Variants in FOXN3 observed in about 807,000 individuals in gnomAD.
FOXN3 encodes forkhead box protein N3.
Under a neutral mutation model 38.4 loss-of-function variants are expected in FOXN3, and 7 were observed. That is an observed-to-expected ratio of 0.18 (90% CI 0.10 to 0.34). The LOEUF (loss-of-function observed/expected upper bound fraction) is 0.34. Among genes scored for constraint, FOXN3 ranks in the 10% least tolerant of loss-of-function variants. The pLI is 1.00. For synonymous variants in FOXN3, 230 were observed against 242.2 expected, an observed-to-expected ratio of 0.95 and a Z score of 0.47; for missense variants, 456 against 613.4, an observed-to-expected ratio of 0.74 and a Z score of 2.71.
At chr14:89,595,574 G>C (rs997250302) in intron 1 of FOXN3, among the ~76,000 whole-genome samples, 33 of 152,068 alleles carry the variant, frequency 2.2e-4, no homozygotes, top group African/African-American at 8.0e-4. Context: ...ATTCATTTTA[G>C]TTCCAACAAC....
chr14:89,293,553 T>C (rs1267538724), intron 3 of FOXN3, among the ~76,000 whole-genome samples: 1 of 152,144 alleles, frequency 6.6e-6, no homozygotes, highest in African/African-American at 2.4e-5. Context: ...CATTCCCCCA[T>C]GTGTACAGCT....
At chr14:89,192,915 C>T (rs761675025) in intron 4 of FOXN3, among the ~76,000 whole-genome samples, 7 of 151,912 alleles carry the variant, frequency 4.6e-5, no homozygotes, top group Non-Finnish European at 8.8e-5. Flanking sequence ...CCCTTGGTCC[C>T]CCACAGGGCC....
intron 1 of FOXN3, among the ~76,000 whole-genome samples, chr14:89,561,685 AG>A (rs1271630774): frequency 1.3e-5 from 2 of 152,240 alleles, no homozygotes; most frequent in Non-Finnish European, 2.9e-5. Context: ...TCCTGAAGGA[AG>A]GAAGTGCGTG....
chr14:89,314,143 G>T (rs1887656447), intron 3 of FOXN3, among the ~76,000 whole-genome samples: 1 of 152,080 alleles, frequency 6.6e-6, no homozygotes, highest in South Asian at 2.1e-4. Context: ...GAATTAAAAA[G>T]AAAATTTTAA....
chr14:89,509,325 TG>T (rs1894011210), intron 1 of FOXN3, among the ~76,000 whole-genome samples: 2 of 83,246 alleles, frequency 2.4e-5, no homozygotes, highest in Non-Finnish European at 7.9e-5. Flanking sequence ...CAGTTTTTTT[TG>T]TTGTTGTTTG....
At chr14:89,255,487 A>C (rs529475699) in intron 4 of FOXN3, among the ~76,000 whole-genome samples, 45 of 152,302 alleles carry the variant, frequency 3.0e-4, no homozygotes, top group African/African-American at 1.1e-3. Context: ...AGAACAATTA[A>C]GAACAAAAAG....
chr14:89,506,440 CG>C (rs1242631135), intron 1 of FOXN3, among the ~76,000 whole-genome samples: 19 of 145,890 alleles, frequency 1.3e-4, no homozygotes, highest in African/African-American at 4.9e-4. Context: ...CTGCCCCGAC[CG>C]GGAGGGAGGT....
chr14:89,485,261 C>G (rs1893424655), intron 1 of FOXN3, among the ~76,000 whole-genome samples: 1 of 151,982 alleles, frequency 6.6e-6, no homozygotes, highest in Non-Finnish European at 1.5e-5. Flanking sequence ...TGCACCATAC[C>G]CAAATTAATC....
intron 3 of FOXN3, among the ~76,000 whole-genome samples, chr14:89,336,728 G>A (rs1888472925): frequency 6.6e-6 from 1 of 152,120 alleles, no homozygotes; most frequent in South Asian, 2.1e-4. Flanking sequence ...AAAGCAGATG[G>A]AATAAAATAA....
chr14:89,521,354 T>TAGAC (rs1360819878), intron 1 of FOXN3, among the ~76,000 whole-genome samples: 3 of 92,306 alleles, frequency 3.3e-5, no homozygotes, highest in African/African-American at 1.7e-4. Context: ...TCATAGATGA[T>TAGAC]AGATAGAGAG....
intron 4 of FOXN3, among the ~76,000 whole-genome samples, chr14:89,246,943 C>T (rs1203181213): frequency 2.6e-5 from 4 of 152,182 alleles, no homozygotes; most frequent in African/African-American, 9.7e-5. Context: ...TAACCCCTCC[C>T]TCAATTCATC....
intron 1 of FOXN3, among the ~76,000 whole-genome samples, chr14:89,565,584 G>A (rs1021758001): frequency 9.9e-5 from 15 of 152,116 alleles, no homozygotes; most frequent in Non-Finnish European, 1.9e-4. Context: ...CGAGGCCTAA[G>A]GCCATTTTTA....
intron 1 of FOXN3, among the ~76,000 whole-genome samples, chr14:89,510,573 G>A (rs899630178): frequency 1.3e-5 from 2 of 152,054 alleles, no homozygotes; most frequent in Non-Finnish European, 2.9e-5. Flanking sequence ...GCTCCACCTC[G>A]ACTCTCAGAG....
chr14:89,328,491 C>G (rs1272884930), intron 3 of FOXN3, among the ~76,000 whole-genome samples: 2 of 151,926 alleles, frequency 1.3e-5, no homozygotes, highest in Admixed American at 1.3e-4. Flanking sequence ...ACATTCCCAA[C>G]AGCAGCCCTG....
At chr14:89,229,365 TA>T (rs769211803) in intron 4 of FOXN3, among the ~76,000 whole-genome samples, 2 of 152,104 alleles carry the variant, frequency 1.3e-5, no homozygotes, top group Non-Finnish European at 2.9e-5. Context: ...TGCACAAAAG[TA>T]TTTATTAAGC....
intron 3 of FOXN3, among the ~76,000 whole-genome samples, chr14:89,338,153 C>T (rs182869833): frequency 2.3e-4 from 35 of 152,288 alleles, no homozygotes; most frequent in African/African-American, 8.2e-4. Flanking sequence ...GAAACACCAA[C>T]ACTGCAAAAT....
Position 89,354,552 on chromosome 14 carries a change from A to G in FOXN3, c.544-3744T>C, listed in dbSNP as rs144985338. Among the ~76,000 whole-genome samples the G allele has an allele frequency of 5.6e-3, 835 of 149,342 alleles. 9 individuals are homozygous for G. Among genetic ancestry groups the G allele is most frequent in the African/African-American group, 0.02 (802 of 41,000 alleles). Reference sequence around the variant, plus strand: ...GTGGAGTGCTTTTTATTAAAAAAAAAAAAAAAAAAGAAAAGAAATAGGCCA... The same window carrying G: ...GTGGAGTGCTTTTTATTAAAAAAAAGAAAAAAAAAGAAAAGAAATAGGCCA... On this transcript the variant is annotated intron_variant, in intron 2 of 5. Transcript: ENST00000557258.
At chr14:89,410,986 G>C (rs1891529742) in intron 2 of FOXN3, among the ~76,000 whole-genome samples, 1 of 152,152 alleles carries the variant, frequency 6.6e-6, no homozygotes, top group African/African-American at 2.4e-5. Flanking sequence ...TTTAAAGCAG[G>C]GGTCCCCAAC....
intron 4 of FOXN3, among the ~76,000 whole-genome samples, chr14:89,261,194 A>ACTCT (rs1885788527): frequency 2.0e-5 from 3 of 152,198 alleles, no homozygotes; most frequent in Admixed American, 6.5e-5. Flanking sequence ...AGAGAGACCC[A>ACTCT]CCAAATGGTT....
Sources: gnomAD v4.1 joint callset for allele counts (sites outside exome capture counted in the v4.1 genomes callset) on GRCh38, gnomAD v4.1.1 for gene constraint, MANE v1.5 for transcripts, NCBI Gene and HGNC (gene_info 2026-07-23, HGNC 2026-07-21) for gene names.